The following WWOX variants were observed in gnomAD, a reference collection of about 807,000 sequenced individuals.
WWOX encodes the protein WW domain containing oxidoreductase.
WWOX carries 69 observed loss-of-function variants against 46.2 expected under a neutral mutation model. That is an observed-to-expected ratio of 1.49 (90% CI 1.23 to 1.82). WWOX has a LOEUF of 1.82. Ranked by LOEUF, WWOX falls within the 40% of genes most tolerant of loss-of-function variation. The pLI is 0.00. For synonymous variants in WWOX, 359 were observed against 202.6 expected (o/e 1.77, Z -6.56); for missense variants, 919 against 542.6 (o/e 1.69, Z -6.89).
intron 8 of WWOX, among the ~76,000 whole-genome samples, chr16:78,672,823 C>G (rs751309466): frequency 6.6e-6 from 1 of 152,144 alleles, no homozygotes; most frequent in East Asian, 1.9e-4. Context: ...CTGACTTGAT[C>G]GGAGTTCTAT....
At chr16:79,164,389 C>T (rs962346196) in intron 8 of WWOX, among the ~76,000 whole-genome samples, 3 of 152,144 alleles carry the variant, frequency 2.0e-5, no homozygotes, top group Non-Finnish European at 4.4e-5. Flanking sequence ...TAATAAGAAG[C>T]CATTTTTTCC....
At chr16:78,746,130 T>C (rs1461617561) in intron 8 of WWOX, among the ~76,000 whole-genome samples, 1 of 152,128 alleles carries the variant, frequency 6.6e-6, no homozygotes, top group Non-Finnish European at 1.5e-5. Flanking sequence ...GGACATCGTT[T>C]TGATATGATG....
At chr16:78,893,325 C>G (rs1240591716) in intron 8 of WWOX, among the ~76,000 whole-genome samples, 5 of 152,182 alleles carry the variant, frequency 3.3e-5, no homozygotes, top group African/African-American at 9.7e-5. Flanking sequence ...AATACCAGTC[C>G]TTTCGCCTGT....
intron 5 of WWOX, among the ~76,000 whole-genome samples, chr16:78,214,289 C>T (rs566348884): frequency 3.7e-4 from 56 of 152,328 alleles, no homozygotes; most frequent in Non-Finnish European, 7.2e-4. Context: ...TGTGCGATCA[C>T]TAGCCAAGTA....
In WWOX at chr16:78,690,992, C is replaced by T. The variant is rs190431749; in HGVS notation, c.1056+258240C>T. 3.9e-5 allele frequency among the ~76,000 whole-genome samples: 6 copies of T among 152,256 alleles called. No individual in the cohort carries two copies. In the East Asian group the frequency reaches 7.7e-4, roughly 20 times the overall value. On this transcript the variant is annotated intron_variant, in intron 8 of 8. Coordinates refer to ENST00000566780, the MANE Select transcript of WWOX (RefSeq NM_016373.4). Reference sequence around the variant, plus strand: ...CTCAATCTATATGTCCAACGCCATTCGTAGACCCCCTTTGATAATCTCCAC... The same window carrying T: ...CTCAATCTATATGTCCAACGCCATTTGTAGACCCCCTTTGATAATCTCCAC...
chr16:78,903,566 C>T (rs1008285496), intron 8 of WWOX, among the ~76,000 whole-genome samples: 91 of 152,194 alleles, frequency 6.0e-4, no homozygotes, highest in African/African-American at 1.7e-3. Context: ...GTAGCCCCTC[C>T]TCCTTTTGTT....
At chr16:78,356,826 G>C (rs2081304680) in intron 5 of WWOX, among the ~76,000 whole-genome samples, 1 of 152,124 alleles carries the variant, frequency 6.6e-6, no homozygotes, top group South Asian at 2.1e-4. Flanking sequence ...AGGTTGAAGT[G>C]AGCTGAGATG....
chr16:78,973,229 T>C (rs1026856825), intron 8 of WWOX, among the ~76,000 whole-genome samples: 2 of 152,092 alleles, frequency 1.3e-5, no homozygotes, highest in Non-Finnish European at 2.9e-5. Context: ...AGACCGGAGC[T>C]TGTGTTGATG....
chr16:78,645,488 G>T (rs894534032), intron 8 of WWOX, among the ~76,000 whole-genome samples: 4 of 152,130 alleles, frequency 2.6e-5, no homozygotes, highest in African/African-American at 7.2e-5. Context: ...TCATGTTTCT[G>T]CAGGATGTCC....
chr16:78,382,767 T>C (rs1301336308), intron 5 of WWOX, among the ~76,000 whole-genome samples: 2 of 152,210 alleles, frequency 1.3e-5, no homozygotes, highest in South Asian at 2.1e-4. Context: ...GTTATATGAA[T>C]ACATACACAT....
chr16:78,806,006 C>G (rs2051025927), intron 8 of WWOX, among the ~76,000 whole-genome samples: 1 of 152,152 alleles, frequency 6.6e-6, no homozygotes, highest in Non-Finnish European at 1.5e-5. Flanking sequence ...AGAAATCTTT[C>G]AAAGCCAAAT....
intron 8 of WWOX, among the ~76,000 whole-genome samples, chr16:78,728,986 G>A (rs768214438): frequency 7.9e-5 from 12 of 152,094 alleles, no homozygotes; most frequent in Admixed American, 2.0e-4. Flanking sequence ...GTTGGCTTTA[G>A]TAAAAGTGTA....
intron 8 of WWOX, chr16:79,016,033 G>A (rs2047405718): frequency 1.3e-5 from 2 of 152,244 alleles, no homozygotes; most frequent in African/African-American, 2.4e-5. Context: ...ACAGACGTAA[G>A]TCACCACGCC....
chr16:79,195,449 T>C (rs1217210498), intron 8 of WWOX, among the ~76,000 whole-genome samples: 1 of 152,140 alleles, frequency 6.6e-6, no homozygotes, highest in Non-Finnish European at 1.5e-5. Context: ...GAGCTCGCTT[T>C]GGCTGTGGGC....
intron 6 of WWOX, among the ~76,000 whole-genome samples, chr16:78,399,111 A>G (rs932862341): frequency 2.7e-5 from 4 of 150,408 alleles, no homozygotes; most frequent in Admixed American, 2.6e-4. Flanking sequence ...AGGGGATGCA[A>G]GAGGTAAGTA....
intron 5 of WWOX, among the ~76,000 whole-genome samples, chr16:78,256,311 C>T (rs7203837): frequency 0.29 from 44,190 of 151,690 alleles, 6,706 homozygotes; most frequent in East Asian, 0.43. Flanking sequence ...AAATTGTCAC[C>T]CCCTGTCAGC....
intron 8 of WWOX, among the ~76,000 whole-genome samples, chr16:78,796,246 T>C (rs1302372149): frequency 6.6e-6 from 1 of 152,196 alleles, no homozygotes; most frequent in Non-Finnish European, 1.5e-5. Flanking sequence ...GCAACTGGCC[T>C]CCCATACTGT....
chr16:78,449,316 C>A (rs569167881), intron 8 of WWOX, among the ~76,000 whole-genome samples: 1 of 152,208 alleles, frequency 6.6e-6, no homozygotes, highest in East Asian at 1.9e-4. Flanking sequence ...TGACGTCTTA[C>A]TGCTTTTGCC....
At chr16:78,733,355 C>A (rs2049009703) in intron 8 of WWOX, among the ~76,000 whole-genome samples, 1 of 151,958 alleles carries the variant, frequency 6.6e-6, no homozygotes, top group Non-Finnish European at 1.5e-5. Context: ...CCCAGAAGGT[C>A]AAGGCAGGAG....
Sources: gnomAD v4.1 joint callset for allele counts (sites outside exome capture counted in the v4.1 genomes callset) on GRCh38, gnomAD v4.1.1 for gene constraint, MANE v1.5 for transcripts, NCBI Gene and HGNC (gene_info 2026-07-23, HGNC 2026-07-21) for gene names.